Variants in ANKRD23 observed in about 807,000 individuals in gnomAD.
ANKRD23 encodes ankyrin repeat domain 23, also known as ankyrin repeat domain-containing protein 23.
Under a neutral mutation model 38.1 loss-of-function variants are expected in ANKRD23, and 52 were observed. The ratio of observed to expected loss-of-function variants is 1.36; its 90% confidence interval spans 1.09 to 1.72. ANKRD23 has a LOEUF of 1.72. ANKRD23 is among the 40% of genes most tolerant of loss of function. ANKRD23 has a pLI of 0.00. For missense variants in ANKRD23, 416 were observed against 400.2 expected (o/e 1.04, Z -0.34); for synonymous variants, 167 against 162.9 (o/e 1.03, Z -0.19).
chr2:96,840,410 C>T lies in ANKRD23; in HGVS notation c.525+6G>A, dbSNP rs1432520892. On this transcript the variant is annotated splice_donor_region_variant and intron_variant, in intron 5 of 8. Transcript: ENST00000318357. Reference sequence around the variant, plus strand: ...GACCAGAGGCTGGGCCTTTCCCCATCCTCACCAAGTCTCGCGCGTCCACTG... The same window carrying T: ...GACCAGAGGCTGGGCCTTTCCCCATTCTCACCAAGTCTCGCGCGTCCACTG... 1 of 1,613,964 alleles carries T rather than the reference C, an allele frequency of 6.2e-7. No individual in the cohort carries two copies. The highest frequency in any genetic ancestry group is 8.5e-7 in the Non-Finnish European group (1 of 1,179,982).
rs2079715927 is a variant in ANKRD23, at chr2:96,838,307, T to C, written c.*1242A>G. On this transcript the variant is annotated 3_prime_UTR_variant, in exon 9 of 9. Coordinates refer to ENST00000318357, the MANE Select transcript of ANKRD23 (RefSeq NM_144994.8). Reference sequence around the variant, plus strand: ...CAGCCCTTCCCTCAGCATGTGGTTCTCAGTTTAGGGCAGAGCTTCTTAAGA... The same window carrying C: ...CAGCCCTTCCCTCAGCATGTGGTTCCCAGTTTAGGGCAGAGCTTCTTAAGA... 1 of 966,354 alleles carries C rather than the reference T, an allele frequency of 1.0e-6. No individual in the cohort carries two copies. The highest frequency in any genetic ancestry group is 1.2e-6 in the Non-Finnish European group (1 of 810,526). 59.9% of individuals were successfully genotyped at this position (966,354 alleles called of 1,614,324 possible). A position where few individuals can be genotyped will look rare whatever the true frequency, so the allele number is the denominator to read the frequency against.
intron 3 of ANKRD23, among the ~76,000 whole-genome samples, chr2:96,841,730 T>TC (rs2079764093): frequency 6.7e-6 from 1 of 148,858 alleles, no homozygotes; most frequent in African/African-American, 2.5e-5. Context: ...ACGCCAAAGA[T>TC]CACCAGCATC....
chr2:96,840,092 CGATCT>C lies in ANKRD23; in HGVS notation c.625-2_627del, dbSNP rs543055788. 79 of 1,554,762 alleles carry C rather than the reference CGATCT, an allele frequency of 5.1e-5. 1 individual carries two copies. The Admixed American group carries it at 8.0e-4, about 16-fold the overall frequency. On this transcript the variant is annotated splice_acceptor_variant and coding_sequence_variant, in exon 7 of 9. Transcript: ENST00000318357. LOFTEE classifies it high-confidence loss of function. ...ACTGCCACGTGCAGGGGGGTGCTCC[CGATCT>C]GAGAGCAAGTGGGGGTCAGTGCTGG...
chr2:96,840,403 T>G lies in ANKRD23; in HGVS notation c.525+13A>C, dbSNP rs1469047388. On this transcript the variant is annotated intron_variant, in intron 5 of 8. Coordinates refer to ENST00000318357, the MANE Select transcript of ANKRD23 (RefSeq NM_144994.8). ...GGGCGTCGACCAGAGGCTGGGCCTT[T>G]CCCCATCCTCACCAAGTCTCGCGCG... 3.1e-6 allele frequency: 5 copies of G among 1,613,820 alleles called. No individual in the cohort carries two copies. The East Asian group carries it at 1.1e-4, about 36-fold the overall frequency.
chr2:96,839,307 G>A lies in ANKRD23; in HGVS notation c.*242C>T. 8.1e-7 allele frequency: 1 copy of A among 1,232,306 alleles called. No homozygotes were observed. The highest frequency in any genetic ancestry group is 1.0e-6 in the Non-Finnish European group (1 of 988,422). 76.3% of individuals were successfully genotyped at this position (1,232,306 alleles called of 1,614,324 possible). On this transcript the variant is annotated 3_prime_UTR_variant, in exon 9 of 9. Coordinates refer to ENST00000318357, the MANE Select transcript of ANKRD23 (RefSeq NM_144994.8). ...GACCCGCGCTTTCTGCTGCCTTGTG[G>A]TCCTCTGCTCCAGCCCTGGGAGGGA...
intron 1 of ANKRD23, 120 bp from the exon 2 acceptor site, chr2:96,842,631 A>G: frequency 7.9e-7 from 1 of 1,264,618 alleles, no homozygotes. Context: ...GGTGCCCGGG[A>G]TGGGAGCCGG....
Position 96,840,512 on chromosome 2 carries a change from G to C in ANKRD23, c.429C>G (p.Leu143=). ...AGGCCCAGTGCAAGGCGGTGCGGTG[G>C]AGCTGAGGGCAGAGATGGAAGATTA... ...DGGDPNAHDK[L]HRTALHWACL... The change falls in exon 5 of 9, where the codon CTC becomes CTG. Residue 143 remains leucine (L), a splice_region_variant and synonymous_variant. Transcript: ENST00000318357. 1 of 1,613,776 alleles carries C rather than the reference G, an allele frequency of 6.2e-7. No individual in the cohort carries two copies. The highest frequency in any genetic ancestry group is 8.5e-7 in the Non-Finnish European group (1 of 1,179,988).
chr2:96,840,096 C>A lies in ANKRD23; in HGVS notation c.625-1G>T. ...CCACGTGCAGGGGGGTGCTCCCGAT[C>A]TGAGAGCAAGTGGGGGTCAGTGCTG... On this transcript the variant is annotated splice_acceptor_variant, in intron 6 of 8. Transcript: ENST00000318357. LOFTEE classifies it high-confidence loss of function. The A allele has an allele frequency of 6.4e-7, 1 of 1,554,028 alleles. No individual in the cohort carries two copies. Among genetic ancestry groups the A allele is most frequent in the South Asian group, 1.2e-5 (1 of 84,174 alleles).
chr2:96,838,700 C>G lies in ANKRD23; in HGVS notation c.*849G>C. On this transcript the variant is annotated 3_prime_UTR_variant, in exon 9 of 9. Transcript: ENST00000318357. ...AAGAGTTGAGTGGGCCACAAGCAAT[C>G]CCCAGTGCCCAGGCGCTTCCCCATG... is the stretch of plus-strand genomic sequence containing the variant. 1 of 985,678 alleles carries G rather than the reference C, an allele frequency of 1.0e-6. No individual in the cohort carries two copies. Among genetic ancestry groups the G allele is most frequent in the Non-Finnish European group, 1.2e-6 (1 of 830,106 alleles). 61.1% of individuals were successfully genotyped at this position (985,678 alleles called of 1,614,324 possible).
In ANKRD23 at chr2:96,840,216, GCACCGTGCCCCT is replaced by G. The variant is rs2079744113; in HGVS notation, c.624+4_624+15del. ...CCCGTGTTCCCGACAGGCCCCCAAA[GCACCGTGCCCCT>G]CACCTTGTCCCGGGCATTGACCCGG... On this transcript the variant is annotated splice_donor_5th_base_variant and intron_variant, in intron 6 of 8. Transcript: ENST00000318357. The G allele has an allele frequency of 1.9e-6, 3 of 1,604,974 alleles. No individual in the cohort carries two copies. The highest frequency in any genetic ancestry group is 2.6e-6 in the Non-Finnish European group (3 of 1,175,276).
At chr2:96,842,249 C>T (rs1435888330) in intron 2 of ANKRD23, 64 bp from the exon 3 acceptor site, 16 of 1,609,800 alleles carry the variant, frequency 9.9e-6, no homozygotes, top group African/African-American at 2.7e-5. Flanking sequence ...TCTGCCCTGC[C>T]GACAGGAGAC....
In ANKRD23 at chr2:96,838,511, C is replaced by G; in HGVS notation, c.*1038G>C. 1.0e-6 allele frequency: 1 copy of G among 986,002 alleles called. No individual in the cohort carries two copies. Among genetic ancestry groups the G allele is most frequent in the Non-Finnish European group, 1.2e-6 (1 of 830,216 alleles). 61.1% of individuals were successfully genotyped at this position (986,002 alleles called of 1,614,324 possible). On this transcript the variant is annotated 3_prime_UTR_variant, in exon 9 of 9. Coordinates refer to ENST00000318357, the MANE Select transcript of ANKRD23 (RefSeq NM_144994.8). ...GGCGGGGGCTCACCTTCCTCTGCTTCCCTGTGGGCTGGGTTCAGAGCTCCT... is the reference window on the plus strand; with the variant it reads ...GGCGGGGGCTCACCTTCCTCTGCTTGCCTGTGGGCTGGGTTCAGAGCTCCT...
Position 96,842,379 on chromosome 2 carries a change from C to G in ANKRD23, c.160G>C (p.Glu54Gln), listed in dbSNP as rs2079772273. Residue 54 changes from glutamate (E) to glutamine (Q), a missense_variant, in exon 2 of 9, where the codon GAG becomes CAG. Coordinates refer to ENST00000318357, the MANE Select transcript of ANKRD23 (RefSeq NM_144994.8). ...CCCTCTCTCACTTTCTTCTTCTTCT[C>G]TTCTTCCAATTTCAGCTTCTCCCGG... ...VAREKLKLEE[E>Q]KKKKLERFNS... The G allele has an allele frequency of 6.4e-7, 1 of 1,552,516 alleles. No homozygotes were observed. Among genetic ancestry groups the G allele is most frequent in the East Asian group, 2.4e-5 (1 of 42,428 alleles).
chr2:96,838,325 T>G lies in ANKRD23; in HGVS notation c.*1224A>C, dbSNP rs537667789. 3.2e-4 allele frequency: 317 copies of G among 982,036 alleles called. 1 individual carries two copies. In the South Asian group the frequency reaches 0.013, roughly 40 times the overall value. 60.8% of individuals were successfully genotyped at this position (982,036 alleles called of 1,614,324 possible). On this transcript the variant is annotated 3_prime_UTR_variant, in exon 9 of 9. Coordinates refer to ENST00000318357, the MANE Select transcript of ANKRD23 (RefSeq NM_144994.8). ...GTGGTTCTCAGTTTAGGGCAGAGCT[T>G]CTTAAGATTCACTTTCTGGCGTTTA... is the stretch of plus-strand genomic sequence containing the variant.
rs201334613 is a variant in ANKRD23, at chr2:96,842,169, C to T, written c.191G>A (p.Ser64Asn). 6.2e-6 allele frequency: 10 copies of T among 1,614,212 alleles called. No individual in the cohort carries two copies. Among genetic ancestry groups the T allele is most frequent in the Middle Eastern group, 3.3e-4 (2 of 6,044 alleles). ...EKKKKLERFN[S>N]TRFNLDNLAD... is the part of the protein sequence containing the mutation. Reference sequence around the variant, plus strand: ...CAGGTTATCCAGATTAAATCTGGTACTGTTAAATCTTTCAAGCTGGGGCAG... The same window carrying T: ...CAGGTTATCCAGATTAAATCTGGTATTGTTAAATCTTTCAAGCTGGGGCAG... Residue 64 changes from serine to asparagine, a missense_variant, in exon 3 of 9, where the codon AGT (serine) becomes AAT (asparagine). Transcript: ENST00000318357.
chr2:96,839,952 C>T (rs867167569), intron 7 of ANKRD23, 45 bp downstream of exon 7: 5 of 1,550,822 alleles, frequency 3.2e-6, no homozygotes, highest in Non-Finnish European at 4.4e-6. Context: ...AGTCCCTGCT[C>T]CTCTGGAGCT....
chr2:96,844,000 C>G lies in ANKRD23; in HGVS notation c.-8G>C. 6.2e-7 allele frequency: 1 copy of G among 1,600,206 alleles called. No individual in the cohort carries two copies. The highest frequency in any genetic ancestry group is 8.5e-7 in the Non-Finnish European group (1 of 1,173,494). ...AATGCTGATGAAGTCCATGGTCCCC[C>G]CTGTTCCTCACACCCCCCAGTGAGA... On this transcript the variant is annotated 5_prime_UTR_variant, in exon 1 of 9. Coordinates refer to ENST00000318357, the MANE Select transcript of ANKRD23 (RefSeq NM_144994.8).
At position 96,840,050 on chromosome 2, in the gene ANKRD23, C is replaced by A; in HGVS notation, c.670G>T (p.Asp224Tyr). 1.3e-6 allele frequency: 2 copies of A among 1,562,488 alleles called. No homozygotes were observed. Among genetic ancestry groups the A allele is most frequent in the Admixed American group, 1.9e-5 (1 of 51,900 alleles). Residue 224 changes from aspartate to tyrosine, a missense_variant, in exon 7 of 9, where the codon GAC (aspartate) becomes TAC (tyrosine). Physicochemically the swap from Asp to Tyr is radical, Grantham distance 160 (BLOSUM62 -3). Coordinates refer to ENST00000318357, the MANE Select transcript of ANKRD23 (RefSeq NM_144994.8). ...CACTCGATGAGGTGCTCCAGGCAGTCGGGGTGCCGGGTGCGCACTGCCACG... is the reference window on the plus strand; with the variant it reads ...CACTCGATGAGGTGCTCCAGGCAGTAGGGGTGCCGGGTGCGCACTGCCACG... ...LHVAVRTRHPDCLEHLIECGA... is the reference protein window; with the variant it reads ...LHVAVRTRHPYCLEHLIECGA...
intron 2 of ANKRD23, 67 bp from the exon 3 acceptor site, chr2:96,842,252 C>G (rs2079769957): frequency 6.2e-7 from 1 of 1,609,362 alleles, no homozygotes; most frequent in Non-Finnish European, 8.5e-7. Context: ...GCCCTGCCGA[C>G]AGGAGACACC....
Sources: allele counts gnomAD v4.1 joint callset (sites outside exome capture counted in the v4.1 genomes callset), GRCh38; gene constraint gnomAD v4.1.1; transcripts MANE v1.5; gene names NCBI Gene and HGNC (gene_info 2026-07-23, HGNC 2026-07-21).